Variants in ANKH observed in about 807,000 individuals in gnomAD.
ANKH encodes the protein ANKH inorganic pyrophosphate transport regulator.
Under a neutral mutation model 49.0 loss-of-function variants are expected in ANKH, and 15 were observed. The observed-to-expected ratio is 0.31, with a 90% CI of 0.20 to 0.47. The LOEUF (loss-of-function observed/expected upper bound fraction) is 0.47, where lower values mean the gene tolerates loss of function less well. ANKH is among the 20% of genes least tolerant of loss of function. The probability of loss-of-function intolerance (pLI) is 1.00; values close to 1 mark genes in which losing one functional copy is unlikely to be tolerated. For missense variants in ANKH, 429 were observed against 652.0 expected (o/e 0.66, Z 3.72); for synonymous variants, 273 against 260.0 (o/e 1.05, Z -0.48).
intron 8 of ANKH, among the ~76,000 whole-genome samples, chr5:14,740,670 A>G (rs1333542921): frequency 6.6e-6 from 1 of 152,224 alleles, no homozygotes; most frequent in African/African-American, 2.4e-5. Flanking sequence ...TCAACGGATC[A>G]AATACTAAGC....
chr5:14,741,730 A>T (rs1480575049), intron 8 of ANKH, 97 bp downstream of exon 8: 5 of 862,108 alleles, frequency 5.8e-6, no homozygotes, highest in Admixed American at 4.0e-5. Flanking sequence ...GCATCACATT[A>T]CATTGTGGAA....
Position 14,716,710 on chromosome 5 carries a change from A to C in ANKH, c.1137T>G (p.Val379=). The change falls in exon 9 of 12, where the codon GTT becomes GTG. Residue 379 remains valine, a synonymous_variant. Transcript: ENST00000284268. ...CTTCATTCTGTTTTTCTTTACCTGG[A>C]ACTGGGAAGAAGGAGAAGATCCGCA... ...VPLRIFSFFP[V]PVTVRAHLTG... The C allele has an allele frequency of 6.2e-7, 1 of 1,614,062 alleles. No individual in the cohort carries two copies.
intron 1 of ANKH, among the ~76,000 whole-genome samples, chr5:14,815,781 A>G (rs1741017466): frequency 6.6e-6 from 1 of 152,248 alleles, no homozygotes; most frequent in South Asian, 2.1e-4. Context: ...GTCCAGGAGC[A>G]CAGAGGCATT....
intron 1 of ANKH, among the ~76,000 whole-genome samples, chr5:14,821,298 T>C (rs1196426213): frequency 6.6e-6 from 1 of 152,078 alleles, no homozygotes; most frequent in Non-Finnish European, 1.5e-5. Flanking sequence ...AACCCAAAGG[T>C]CATAGCTTCT....
At chr5:14,824,871 T>G (rs896069118) in intron 1 of ANKH, among the ~76,000 whole-genome samples, 7 of 152,256 alleles carry the variant, frequency 4.6e-5, no homozygotes, top group Admixed American at 4.6e-4. Flanking sequence ...CTTTCTCAAC[T>G]CAGTGAAAAT....
chr5:14,717,428 GAC>G (rs546997241), intron 8 of ANKH, among the ~76,000 whole-genome samples: 16 of 152,346 alleles, frequency 1.1e-4, no homozygotes, highest in African/African-American at 3.4e-4. Flanking sequence ...TGATGTAACA[GAC>G]ACAGGAAAAG....
At chr5:14,778,924 G>A (rs1739720624) in intron 1 of ANKH, among the ~76,000 whole-genome samples, 1 of 152,180 alleles carries the variant, frequency 6.6e-6, no homozygotes, top group South Asian at 2.1e-4. Flanking sequence ...GCTGTCAGCT[G>A]CCCAGTTACC....
At chr5:14,823,840 T>C (rs1175927724) in intron 1 of ANKH, among the ~76,000 whole-genome samples, 1 of 152,028 alleles carries the variant, frequency 6.6e-6, no homozygotes, top group African/African-American at 2.4e-5. Context: ...GGCAGGAGGA[T>C]TGAGGCTTGA....
intron 1 of ANKH, among the ~76,000 whole-genome samples, chr5:14,833,352 G>A (rs931467664): frequency 2.6e-5 from 4 of 152,188 alleles, no homozygotes; most frequent in Non-Finnish European, 5.9e-5. Flanking sequence ...TCTTGAGGAG[G>A]TTTCATTCAT....
At chr5:14,724,161 T>C (rs1247563289) in intron 8 of ANKH, among the ~76,000 whole-genome samples, 1 of 152,018 alleles carries the variant, frequency 6.6e-6, no homozygotes, top group East Asian at 1.9e-4. Flanking sequence ...CTACTAAAAA[T>C]ACAAAAGTAG....
intron 1 of ANKH, among the ~76,000 whole-genome samples, chr5:14,807,066 A>C (rs757574458): frequency 4.6e-5 from 7 of 151,684 alleles, no homozygotes; most frequent in Non-Finnish European, 1.0e-4. Flanking sequence ...AGTCCTAGCT[A>C]ATCAGTTATA....
chr5:14,843,579 T>C (rs1201397327), intron 1 of ANKH, among the ~76,000 whole-genome samples: 3 of 133,108 alleles, frequency 2.3e-5, no homozygotes, highest in African/African-American at 8.3e-5. Flanking sequence ...AGAGCCTATC[T>C]GAAAGTAGCA....
rs541327183 is a variant in ANKH at position 14,797,880 on chromosome 5, C to T, written c.97-28689G>A. On this transcript the variant is annotated intron_variant, in intron 1 of 11. Coordinates refer to ENST00000284268, the MANE Select transcript of ANKH (RefSeq NM_054027.6). The stretch of plus-strand genomic sequence containing the variant: ...CCCATAGCCTTCCTTCTGATGTCCA[C>T]GGAGACGCAAGTCTGGGTTGCATTC... The T allele has an allele frequency of 3.4e-5, 55 of 1,612,020 alleles. No individual in the cohort carries two copies. The African/African-American group carries it at 5.1e-4, about 15-fold the overall frequency.
intron 1 of ANKH, among the ~76,000 whole-genome samples, chr5:14,847,794 C>T (rs776343456): frequency 2.0e-5 from 3 of 152,186 alleles, no homozygotes; most frequent in Non-Finnish European, 4.4e-5. Context: ...TGGCTTCTTA[C>T]GAGACACTAG....
In ANKH at chr5:14,725,905, C is replaced by T. The variant is rs1009264500; in HGVS notation, c.1012-9070G>A. On this transcript the variant is annotated intron_variant, in intron 8 of 11. Coordinates refer to ENST00000284268, the MANE Select transcript of ANKH (RefSeq NM_054027.6). The surrounding 1 kb of genome is among the most constrained non-coding windows in gnomAD (Gnocchi z 4.0). ...GGACTACAGGTACGTGCCACCACGC[C>T]CAGCTAATTTTTGTATTTTTAGTAG... is the stretch of plus-strand genomic sequence containing the variant. 2.6e-5 allele frequency among the ~76,000 whole-genome samples: 4 copies of T among 152,148 alleles called. No homozygotes were observed. The highest frequency in any genetic ancestry group is 2.9e-5 in the Non-Finnish European group (2 of 68,028).
chr5:14,732,811 A>C (rs932717751), intron 8 of ANKH, among the ~76,000 whole-genome samples: 5 of 152,154 alleles, frequency 3.3e-5, no homozygotes, highest in African/African-American at 1.2e-4. Flanking sequence ...TTTGAACCCA[A>C]GCCCTGTGGC....
Position 14,713,397 on chromosome 5 carries a change from T to A in ANKH, c.1265+147A>T. ...ATGGATCCCAAGAGCCTCCACCTGG[T>A]GCCTGGGCAGACACACAAAACATCA... is the stretch of plus-strand genomic sequence containing the variant. On this transcript the variant is annotated intron_variant, in intron 10 of 11. Transcript: ENST00000284268. The surrounding 1 kb of genome is among the most constrained non-coding windows in gnomAD (Gnocchi z 4.4). 8.2e-7 allele frequency: 1 copy of A among 1,212,860 alleles called. No homozygotes were observed. Among genetic ancestry groups the A allele is most frequent in the Non-Finnish European group, 1.2e-6 (1 of 845,998 alleles). 75.1% of individuals were successfully genotyped at this position (1,212,860 alleles called of 1,614,324 possible).
At chr5:14,805,059 C>T (rs1306881583) in intron 1 of ANKH, among the ~76,000 whole-genome samples, 1 of 152,046 alleles carries the variant, frequency 6.6e-6, no homozygotes, top group Non-Finnish European at 1.5e-5. Flanking sequence ...GATGTGTCTG[C>T]GAGGGTGTTG....
chr5:14,739,037 A>T (rs1213723449), intron 8 of ANKH, among the ~76,000 whole-genome samples: 1 of 152,254 alleles, frequency 6.6e-6, no homozygotes. Flanking sequence ...GCCCAAGAGC[A>T]GCAAAAGATG....
Sources: allele counts gnomAD v4.1 joint callset (sites outside exome capture counted in the v4.1 genomes callset), GRCh38; gene constraint gnomAD v4.1.1; non-coding constraint Gnocchi (gnomAD v3.1); transcripts MANE v1.5; gene names NCBI Gene and HGNC (gene_info 2026-07-23, HGNC 2026-07-21).